The following LINC00237 variants were observed in gnomAD, a reference collection of about 807,000 sequenced individuals.
The protein encoded by LINC00237 is long independently transcribed non-coding RNA 237.
chr20:21,099,137 T>C (rs1362473293), intron 1 of LINC00237, among the ~76,000 whole-genome samples: 1 of 152,196 alleles, frequency 6.6e-6, no homozygotes, highest in African/African-American at 2.4e-5. Context: ...GCCCTCTCCA[T>C]GGTTTTGGAT....
chr20:21,097,157 G>T (rs548405491), intron 1 of LINC00237, among the ~76,000 whole-genome samples: 2 of 152,140 alleles, frequency 1.3e-5, no homozygotes, highest in Non-Finnish European at 2.9e-5. Context: ...TTATCCACAG[G>T]CCGACAAAGC....
At chr20:21,092,570 C>G (rs1225306566) in intron 2 of LINC00237, among the ~76,000 whole-genome samples, 1 of 152,206 alleles carries the variant, frequency 6.6e-6, no homozygotes, top group Non-Finnish European at 1.5e-5. Flanking sequence ...GATAATTCCT[C>G]TCTGTTATGG....
chr20:21,089,230 T>C (rs1292835457), intron 2 of LINC00237, among the ~76,000 whole-genome samples: 2 of 151,474 alleles, frequency 1.3e-5, no homozygotes, highest in African/African-American at 4.9e-5. Context: ...TATCTATATT[T>C]TTGAAAGGTT....
intron 1 of LINC00237, among the ~76,000 whole-genome samples, chr20:21,104,254 T>C (rs1190264017): frequency 6.6e-6 from 1 of 152,240 alleles, no homozygotes; most frequent in East Asian, 1.9e-4. Flanking sequence ...GGTCAGTTTG[T>C]GTCTGAGAGC....
chr20:21,086,931 T>G (rs1274118346), intron 3 of LINC00237, among the ~76,000 whole-genome samples: 2 of 139,570 alleles, frequency 1.4e-5, no homozygotes, highest in Non-Finnish European at 3.1e-5. Context: ...ACACTATATA[T>G]GTACTATATA....
intron 2 of LINC00237, among the ~76,000 whole-genome samples, chr20:21,092,336 T>C (rs1204760454): frequency 6.6e-6 from 1 of 152,134 alleles, no homozygotes; most frequent in Non-Finnish European, 1.5e-5. Context: ...CTCAGTGTGG[T>C]TGGAACTCAG....
chr20:21,086,135 A>T (rs1226815250), intron 3 of LINC00237, among the ~76,000 whole-genome samples: 1 of 152,198 alleles, frequency 6.6e-6, no homozygotes, highest in Non-Finnish European at 1.5e-5. Context: ...CTGCACAGCA[A>T]ACAAATCTGC....
Position 21,088,398 on chromosome 20 carries a change from C to T in LINC00237, n.473-368G>A, listed in dbSNP as rs370166336. On this transcript the variant is annotated intron_variant and non_coding_transcript_variant, in intron 2 of 3. Transcript: ENST00000691244. ...GAACCAAAGCTATGCTGAGTCATTC[C>T]TTCTCATCCAGGTAACACTCTCCAC... Among the ~76,000 whole-genome samples, 3 of 152,118 alleles carry T rather than the reference C, an allele frequency of 2.0e-5. No individual in the cohort carries two copies. The East Asian group carries it at 5.8e-4, about 29-fold the overall frequency.
At chr20:21,086,676 G>T (rs1286024184) in intron 3 of LINC00237, among the ~76,000 whole-genome samples, 2 of 2,956 alleles carry the variant, frequency 6.8e-4, no homozygotes, top group African/African-American at 2.0e-3. Context: ...ACTATATATA[G>T]TATACTACAT....
At chr20:21,093,302 G>C (rs1478510902) in intron 2 of LINC00237, 1 of 152,226 alleles carries the variant, frequency 6.6e-6, no homozygotes, top group Non-Finnish European at 1.5e-5. Context: ...ATTAAAAAGT[G>C]GTGGGGGTTG....
At chr20:21,088,928 T>A (rs1252905360) in intron 2 of LINC00237, among the ~76,000 whole-genome samples, 16 of 152,030 alleles carry the variant, frequency 1.1e-4, no homozygotes, top group African/African-American at 3.4e-4. Flanking sequence ...TCCTAGTGTA[T>A]GTGTAACCCA....
At chr20:21,087,842 A>G (rs1256761191) in intron 3 of LINC00237, 1 of 152,144 alleles carries the variant, frequency 6.6e-6, no homozygotes, top group East Asian at 1.9e-4. Flanking sequence ...TTCCCAGGTG[A>G]CAGATGAGTA....
intron 2 of LINC00237, among the ~76,000 whole-genome samples, chr20:21,088,957 G>T (rs550125116): frequency 6.6e-6 from 1 of 151,980 alleles, no homozygotes; most frequent in South Asian, 2.1e-4. Context: ...GAACCCTGTG[G>T]TTATTATTAT....
At position 21,101,016 on chromosome 20, in the gene LINC00237, C is replaced by G. The variant is rs2122182028; in HGVS notation, n.88+5255G>C. Among the ~76,000 whole-genome samples, 1 of 152,192 alleles carries G rather than the reference C, an allele frequency of 6.6e-6. No individual in the cohort carries two copies. The highest frequency in any genetic ancestry group is 2.1e-4 in the South Asian group (1 of 4,810). ...ACAACAATATCAATTAATCATGCAG[C>G]GGGCAAACAAGGAGATTTATCCCGC... is the stretch of plus-strand genomic sequence containing the variant. On this transcript the variant is annotated intron_variant and non_coding_transcript_variant, in intron 1 of 3. Transcript: ENST00000691244. This position sits in a 1 kb window ranked among gnomAD's most constrained non-coding sequence, Gnocchi z 4.3.
At chr20:21,099,801 T>C (rs1250523967) in intron 1 of LINC00237, among the ~76,000 whole-genome samples, 1 of 152,184 alleles carries the variant, frequency 6.6e-6, no homozygotes, top group Non-Finnish European at 1.5e-5. Flanking sequence ...CGGGAGACAC[T>C]GCCAAAACGT....
intron 1 of LINC00237, among the ~76,000 whole-genome samples, chr20:21,097,565 A>C (rs969973450): frequency 2.0e-5 from 3 of 152,126 alleles, no homozygotes; most frequent in African/African-American, 7.2e-5. Context: ...TAAGGTGTAT[A>C]TTTTTTTACA....
intron 2 of LINC00237, among the ~76,000 whole-genome samples, chr20:21,091,545 CT>C (rs1203070428): frequency 6.6e-6 from 1 of 152,196 alleles, no homozygotes; most frequent in Non-Finnish European, 1.5e-5. Context: ...CCAATGGTGA[CT>C]ACTGACATAA....
At chr20:21,086,914 T>C (rs1009139844) in intron 3 of LINC00237, among the ~76,000 whole-genome samples, 1 of 137,152 alleles carries the variant, frequency 7.3e-6, no homozygotes, top group African/African-American at 2.7e-5. Flanking sequence ...ACATATATAG[T>C]ATATATACAC....
intron 1 of LINC00237, among the ~76,000 whole-genome samples, chr20:21,097,154 C>T (rs2030869472): frequency 6.6e-6 from 1 of 152,206 alleles, no homozygotes; most frequent in Non-Finnish European, 1.5e-5. Flanking sequence ...CAATTATCCA[C>T]AGGCCGACAA....
Sources: allele counts gnomAD v4.1 joint callset (sites outside exome capture counted in the v4.1 genomes callset), GRCh38; gene constraint gnomAD v4.1.1; non-coding constraint Gnocchi (gnomAD v3.1); transcripts MANE v1.5; gene names NCBI Gene and HGNC (gene_info 2026-07-23, HGNC 2026-07-21).